The following CHRM3 variants were observed in gnomAD, a reference collection of about 807,000 sequenced individuals.
CHRM3 encodes the protein cholinergic receptor muscarinic 3.
A neutral mutation model predicts 41.8 loss-of-function variants in CHRM3; 11 were observed. The ratio of observed to expected loss-of-function variants is 0.26; its 90% CI spans 0.17 to 0.44. The LOEUF is 0.44. Ranked by LOEUF, CHRM3 falls within the 20% of genes least tolerant of loss-of-function variation. The pLI is 1.00. For missense variants in CHRM3, 571 were observed against 745.4 expected (o/e 0.77, Z 2.72); for synonymous variants, 297 against 301.4 (o/e 0.99, Z 0.15).
intron 5 of CHRM3, among the ~76,000 whole-genome samples, chr1:239,715,855 T>C (rs1662299638): frequency 6.6e-6 from 1 of 152,080 alleles, no homozygotes; most frequent in Admixed American, 6.6e-5. Context: ...AGTGGCAGTT[T>C]GTACATACTG....
At chr1:239,561,186 G>A (rs1660823208) in intron 3 of CHRM3, among the ~76,000 whole-genome samples, 1 of 152,152 alleles carries the variant, frequency 6.6e-6, no homozygotes, top group Admixed American at 6.6e-5. Context: ...GAGTCATGAT[G>A]TGATTGTCCA....
In CHRM3 at chr1:239,909,393, G is replaced by C; in HGVS notation, c.*169G>C. On this transcript the variant is annotated 3_prime_UTR_variant, in exon 7 of 7. Transcript: ENST00000676153. ...TCCATTGAATAAACCCATTTTAATA[G>C]AAAAAGTCAATACCAATTCAGCAAA... is the stretch of plus-strand genomic sequence containing the variant. 3 of 520,810 alleles carry C rather than the reference G, an allele frequency of 5.8e-6. No homozygotes were observed. The highest frequency in any genetic ancestry group is 9.8e-6 in the Non-Finnish European group (3 of 306,260). 32.3% of individuals were successfully genotyped at this position (520,810 alleles called of 1,614,324 possible).
intron 5 of CHRM3, among the ~76,000 whole-genome samples, chr1:239,754,431 G>A (rs920764747): frequency 5.9e-5 from 9 of 152,172 alleles, no homozygotes; most frequent in African/African-American, 4.8e-5. Context: ...ACTGAAGGCA[G>A]TACCATCCTT....
chr1:239,577,841 T>C (rs2148572464), intron 3 of CHRM3, among the ~76,000 whole-genome samples: 1 of 152,248 alleles, frequency 6.6e-6, no homozygotes, highest in East Asian at 1.9e-4. Flanking sequence ...CATCTTCACT[T>C]TCCTTGTCAC....
In CHRM3 at chr1:239,409,095, G is replaced by A. The variant is rs552010814; in HGVS notation, c.-521+21868G>A. Among the ~76,000 whole-genome samples, 10 of 152,228 alleles carry A rather than the reference G, an allele frequency of 6.6e-5. No homozygotes were observed. The East Asian group carries it at 1.9e-3, about 29-fold the overall frequency. On this transcript the variant is annotated intron_variant, in intron 1 of 6. Transcript: ENST00000676153. ...TAAGTCTTCAAATATTGTTAAACATGCTTGAAGATACTGTATTCTTTTATT... is the reference window on the plus strand; with the variant it reads ...TAAGTCTTCAAATATTGTTAAACATACTTGAAGATACTGTATTCTTTTATT...
intron 2 of CHRM3, among the ~76,000 whole-genome samples, chr1:239,514,106 G>A (rs776584012): frequency 1.4e-4 from 22 of 151,994 alleles, no homozygotes; most frequent in African/African-American, 2.9e-4. Context: ...ACATCCAGTC[G>A]GCTATTCTGG....
chr1:239,882,165 C>G (rs772700809), intron 6 of CHRM3, among the ~76,000 whole-genome samples: 1 of 152,138 alleles, frequency 6.6e-6, no homozygotes, highest in Non-Finnish European at 1.5e-5. Context: ...GCCTCAGCCT[C>G]CCAAAGTGCT....
At position 239,909,770 on chromosome 1, in the gene CHRM3, A is replaced by G. The variant is rs992404530; in HGVS notation, c.*546A>G. 1 of 167,862 alleles carries G rather than the reference A, an allele frequency of 6.0e-6. No individual in the cohort carries two copies. The highest frequency in any genetic ancestry group is 1.5e-5 in the Non-Finnish European group (1 of 68,786). 10.4% of individuals were successfully genotyped at this position (167,862 alleles called of 1,614,324 possible). A position where few individuals can be genotyped will look rare whatever the true frequency, so the allele number is the denominator to read the frequency against. On this transcript the variant is annotated 3_prime_UTR_variant, in exon 7 of 7. Transcript: ENST00000676153. The stretch of plus-strand genomic sequence containing the variant: ...GTGTGTTGTTAAACTCTATTTGTGG[A>G]CTTGATTCTTGATTCTTGCAAAGTA...
At chr1:239,864,741 A>T (rs1675944813) in intron 6 of CHRM3, among the ~76,000 whole-genome samples, 1 of 152,206 alleles carries the variant, frequency 6.6e-6, no homozygotes, top group Non-Finnish European at 1.5e-5. Context: ...CCAGACAAGA[A>T]TCTAGAAAAA....
intron 3 of CHRM3, among the ~76,000 whole-genome samples, chr1:239,577,947 G>T (rs1002253456): frequency 6.6e-6 from 1 of 152,100 alleles, no homozygotes; most frequent in East Asian, 1.9e-4. Context: ...AATGACAGAC[G>T]TATTAATGGG....
intron 5 of CHRM3, among the ~76,000 whole-genome samples, chr1:239,767,047 G>C (rs2148697268): frequency 6.6e-6 from 1 of 152,240 alleles, no homozygotes; most frequent in South Asian, 2.1e-4. Flanking sequence ...GGCAAAAATA[G>C]TAAATGTAGA....
intron 1 of CHRM3, among the ~76,000 whole-genome samples, chr1:239,424,477 T>G (rs918857411): frequency 2.0e-5 from 3 of 152,192 alleles, no homozygotes; most frequent in Non-Finnish European, 4.4e-5. Context: ...TTTTGTTCAT[T>G]CATTCAACAA....
At chr1:239,413,821 C>T (rs941828818) in intron 1 of CHRM3, among the ~76,000 whole-genome samples, 8 of 151,360 alleles carry the variant, frequency 5.3e-5, no homozygotes, top group South Asian at 2.1e-4. Flanking sequence ...TGTAGTTCTG[C>T]GGTGTGCACA....
intron 3 of CHRM3, among the ~76,000 whole-genome samples, chr1:239,594,059 C>T (rs77566931): frequency 0.034 from 5,240 of 152,006 alleles, 333 homozygotes; most frequent in African/African-American, 0.12. Flanking sequence ...CTTTTTTCTC[C>T]CTTTTAATGT....
chr1:239,602,873 T>C (rs1665777190), intron 3 of CHRM3, among the ~76,000 whole-genome samples: 1 of 152,174 alleles, frequency 6.6e-6, no homozygotes, highest in African/African-American at 2.4e-5. Context: ...ATTAAGTACA[T>C]TGTTGTTGTA....
chr1:239,419,584 G>A (rs1378337535), intron 1 of CHRM3, among the ~76,000 whole-genome samples: 2 of 152,072 alleles, frequency 1.3e-5, no homozygotes, highest in Non-Finnish European at 2.9e-5. Context: ...GTTATTTTTA[G>A]GGATAATAGA....
intron 6 of CHRM3, among the ~76,000 whole-genome samples, chr1:239,832,879 A>G (rs1652597478): frequency 6.6e-6 from 1 of 152,170 alleles, no homozygotes; most frequent in Non-Finnish European, 1.5e-5. Flanking sequence ...GACGCTCCTG[A>G]GTCTGGGTCT....
intron 4 of CHRM3, among the ~76,000 whole-genome samples, chr1:239,645,436 T>A (rs1223936692): frequency 6.6e-6 from 1 of 152,218 alleles, no homozygotes; most frequent in African/African-American, 2.4e-5. Flanking sequence ...ATTCACCTTT[T>A]CAGATGGCCC....
At chr1:239,558,387 G>A (rs987550592) in intron 3 of CHRM3, among the ~76,000 whole-genome samples, 2 of 152,032 alleles carry the variant, frequency 1.3e-5, no homozygotes, top group Middle Eastern at 3.2e-3. Flanking sequence ...TTTGTCAGAT[G>A]GATAGATTGC....
Sources: allele counts gnomAD v4.1 joint callset (sites outside exome capture counted in the v4.1 genomes callset), GRCh38; gene constraint gnomAD v4.1.1; transcripts MANE v1.5; gene names NCBI Gene and HGNC (gene_info 2026-07-23, HGNC 2026-07-21).